Variants in LIN28B observed in about 807,000 individuals in gnomAD.
The protein encoded by LIN28B is protein lin-28 homolog B.
LIN28B carries 5 observed loss-of-function variants against 21.9 expected under a neutral mutation model. That is an observed-to-expected ratio of 0.23 (90% CI 0.12 to 0.48). LIN28B has a LOEUF of 0.48. LIN28B is among the 20% of genes least tolerant of loss of function. The probability of loss-of-function intolerance (pLI) is 0.98; values close to 1 mark genes in which losing one functional copy is unlikely to be tolerated. For missense variants in LIN28B, 245 were observed against 310.5 expected, an observed-to-expected ratio of 0.79 and a Z score of 1.58; for synonymous variants, 109 against 111.3, an observed-to-expected ratio of 0.98 and a Z score of 0.13.
At chr6:104,948,907 TAAA>T (rs913285343) in intron 2 of LIN28B, among the ~76,000 whole-genome samples, 4 of 152,076 alleles carry the variant, frequency 2.6e-5, no homozygotes, top group African/African-American at 4.8e-5. Flanking sequence ...ATTGGCTTTT[TAAA>T]AAAAACTCCA....
intron 3 of LIN28B, among the ~76,000 whole-genome samples, chr6:105,032,419 G>C (rs1771443266): frequency 6.6e-6 from 1 of 152,092 alleles, no homozygotes; most frequent in Admixed American, 6.5e-5. Flanking sequence ...CCAGCATTTG[G>C]TATTGCCAAT....
chr6:104,977,980 C>A (rs1447157899), intron 2 of LIN28B, among the ~76,000 whole-genome samples: 2 of 152,158 alleles, frequency 1.3e-5, no homozygotes, highest in African/African-American at 4.8e-5. Flanking sequence ...CATAGGGCTT[C>A]TAGAACATAA....
chr6:105,034,435 A>G (rs1272074486), intron 3 of LIN28B, among the ~76,000 whole-genome samples: 4 of 151,982 alleles, frequency 2.6e-5, no homozygotes, highest in Non-Finnish European at 4.4e-5. Context: ...TATTTTGTTT[A>G]GAAAGAAGGC....
At chr6:105,013,291 G>A (rs148868962) in intron 2 of LIN28B, among the ~76,000 whole-genome samples, 3,236 of 151,944 alleles carry the variant, frequency 0.021, 125 homozygotes, top group African/African-American at 0.075. Context: ...GATTACAGGT[G>A]TGAGCCACTG....
intron 2 of LIN28B, among the ~76,000 whole-genome samples, chr6:104,983,986 A>G (rs1271253942): frequency 6.6e-6 from 1 of 152,218 alleles, no homozygotes; most frequent in Non-Finnish European, 1.5e-5. Context: ...TAAGTCACGA[A>G]CAATTTACTT....
chr6:104,996,532 G>A (rs1427354079), intron 2 of LIN28B, among the ~76,000 whole-genome samples: 1 of 152,184 alleles, frequency 6.6e-6, no homozygotes, highest in Non-Finnish European at 1.5e-5. Context: ...ATTTAGCAAA[G>A]GCTTAGAGGC....
chr6:105,018,227 C>T (rs1216605792), intron 2 of LIN28B, among the ~76,000 whole-genome samples: 2 of 152,148 alleles, frequency 1.3e-5, no homozygotes, highest in African/African-American at 4.8e-5. Context: ...GTCAAGACTA[C>T]AGTGAGCTGT....
intron 2 of LIN28B, among the ~76,000 whole-genome samples, chr6:104,947,504 A>G (rs577903928): frequency 6.6e-6 from 1 of 152,292 alleles, no homozygotes; most frequent in South Asian, 2.1e-4. Flanking sequence ...GTGGATTTTA[A>G]CAATGAACAA....
rs183067541 is a variant in LIN28B at position 105,048,068 on chromosome 6, G to A, written c.383+21586G>A. The stretch of plus-strand genomic sequence containing the variant: ...TTCCAACACTGTGTTGAATAAGAGT[G>A]GTGAGAGAGGGCATCCCTGTCTTGT... On this transcript the variant is annotated intron_variant, in intron 3 of 3. Coordinates refer to ENST00000345080, the MANE Select transcript of LIN28B (RefSeq NM_001004317.4). Among the ~76,000 whole-genome samples, 190 of 152,322 alleles carry A rather than the reference G, an allele frequency of 1.2e-3. 2 individuals are homozygous for A. The highest frequency in any genetic ancestry group is 4.5e-3 in the African/African-American group (185 of 41,572).
At chr6:105,020,356 T>C (rs1562095029) in intron 2 of LIN28B, among the ~76,000 whole-genome samples, 1 of 151,824 alleles carries the variant, frequency 6.6e-6, no homozygotes, top group Admixed American at 6.6e-5. Context: ...TTTTTTTTTT[T>C]CCTGAGTCAG....
chr6:105,008,021 A>G (rs527514797), intron 2 of LIN28B, among the ~76,000 whole-genome samples: 7 of 152,264 alleles, frequency 4.6e-5, no homozygotes, highest in African/African-American at 1.7e-4. Flanking sequence ...TGTCAGATAA[A>G]ATTTCAGTCA....
intron 2 of LIN28B, among the ~76,000 whole-genome samples, chr6:105,013,825 C>G (rs560985301): frequency 6.6e-6 from 1 of 152,018 alleles, no homozygotes; most frequent in Non-Finnish European, 1.5e-5. Flanking sequence ...TAGAGATGAT[C>G]TACATTGTCA....
chr6:104,994,550 G>A (rs1307350556), intron 2 of LIN28B, among the ~76,000 whole-genome samples: 1 of 152,192 alleles, frequency 6.6e-6, no homozygotes, highest in Non-Finnish European at 1.5e-5. Context: ...CATAGATCCT[G>A]TTGGGAAAAT....
chr6:104,962,252 A>G (rs1248461933), intron 2 of LIN28B, among the ~76,000 whole-genome samples: 1 of 152,084 alleles, frequency 6.6e-6, no homozygotes, highest in Non-Finnish European at 1.5e-5. Context: ...TAATGTATGT[A>G]TCTCTTTTTT....
chr6:104,955,865 TATA>T (rs968945327), upstream of LIN28B, among the ~76,000 whole-genome samples: 89 of 152,334 alleles, frequency 5.8e-4, no homozygotes, highest in African/African-American at 2.1e-3. Flanking sequence ...TTAGTTAATC[TATA>T]ATATTTATTA....
At chr6:105,078,044 G>GT (rs2114426610) in intron 3 of LIN28B, among the ~76,000 whole-genome samples, 1 of 152,170 alleles carries the variant, frequency 6.6e-6, no homozygotes, top group African/African-American at 2.4e-5. Flanking sequence ...CTGGCTTGTT[G>GT]TTTTTTGTTG....
chr6:104,991,858 C>T (rs971299558), intron 2 of LIN28B, among the ~76,000 whole-genome samples: 19 of 152,152 alleles, frequency 1.2e-4, no homozygotes, highest in African/African-American at 1.7e-4. Context: ...CAAAAAAATA[C>T]GAAAACAGTC....
intron 3 of LIN28B, among the ~76,000 whole-genome samples, chr6:105,027,974 A>G (rs1323859590): frequency 6.6e-6 from 1 of 152,212 alleles, no homozygotes. Context: ...TGTACAAAAG[A>G]AAGTCCATGA....
chr6:105,038,658 C>T (rs1358770868), intron 3 of LIN28B, among the ~76,000 whole-genome samples: 3 of 152,178 alleles, frequency 2.0e-5, no homozygotes, highest in Non-Finnish European at 4.4e-5. Flanking sequence ...ACCAAACTGA[C>T]ATTTCAATCT....
Sources: gnomAD v4.1 joint callset for allele counts (sites outside exome capture counted in the v4.1 genomes callset) on GRCh38, gnomAD v4.1.1 for gene constraint, MANE v1.5 for transcripts, NCBI Gene and HGNC (gene_info 2026-07-23, HGNC 2026-07-21) for gene names.